The following ZNF483 variants were observed in gnomAD, a reference collection of about 807,000 sequenced individuals.
The protein encoded by ZNF483 is zinc finger protein 483, also known as zinc finger protein HIT-10.
Under a neutral mutation model 28.6 loss-of-function variants are expected in ZNF483, and 9 were observed. The ratio of observed to expected loss-of-function variants is 0.32; its 90% CI spans 0.19 to 0.55. The LOEUF (loss-of-function observed/expected upper bound fraction) is 0.55. Among genes scored for constraint, ZNF483 ranks in the 20% least tolerant of loss-of-function variants. The probability of loss-of-function intolerance (pLI) is 0.93; values close to 1 mark genes in which losing one functional copy is unlikely to be tolerated. For missense variants in ZNF483, 675 were observed against 871.7 expected (o/e 0.77, Z 2.84); for synonymous variants, 322 against 306.2 (o/e 1.05, Z -0.54).
intron 5 of ZNF483, among the ~76,000 whole-genome samples, chr9:111,564,956 T>C (rs1828489109): frequency 6.6e-6 from 1 of 151,928 alleles, no homozygotes. Context: ...AAACCCTGTC[T>C]CTACTAAAAA....
chr9:111,571,959 T>G (rs1353046204), intron 5 of ZNF483, among the ~76,000 whole-genome samples: 1 of 152,202 alleles, frequency 6.6e-6, no homozygotes, highest in East Asian at 1.9e-4. Context: ...AAAAGTTTTT[T>G]GGTTGCCTGG....
chr9:111,559,702 G>A (rs1423282088), downstream of ZNF483, among the ~76,000 whole-genome samples: 1 of 152,036 alleles, frequency 6.6e-6, no homozygotes, highest in Non-Finnish European at 1.5e-5. Context: ...GCCAGCCTCG[G>A]TGCATGACCT....
At chr9:111,565,263 A>T (rs796218751) in intron 5 of ZNF483, among the ~76,000 whole-genome samples, 16 of 152,342 alleles carry the variant, frequency 1.1e-4, no homozygotes, top group African/African-American at 3.6e-4. Context: ...GAAGCCATCT[A>T]CAAGTTGAAA....
At chr9:111,527,015 A>T (rs1413015952) in intron 1 of ZNF483, among the ~76,000 whole-genome samples, 1 of 151,988 alleles carries the variant, frequency 6.6e-6, no homozygotes, top group Non-Finnish European at 1.5e-5. Flanking sequence ...TAGGAGAATC[A>T]CTTGAACCCA....
downstream of ZNF483, among the ~76,000 whole-genome samples, chr9:111,556,149 A>G (rs1828114457): frequency 6.6e-6 from 1 of 152,244 alleles, no homozygotes; most frequent in African/African-American, 2.4e-5. Context: ...TGCAAGTCCA[A>G]AACCTGGTGG....
chr9:111,571,695 G>T (rs1828829852), intron 5 of ZNF483, among the ~76,000 whole-genome samples: 1 of 152,048 alleles, frequency 6.6e-6, no homozygotes, highest in African/African-American at 2.4e-5. Flanking sequence ...TTCTGTCAGA[G>T]ATGAGGTCTT....
downstream of ZNF483, among the ~76,000 whole-genome samples, chr9:111,558,225 T>C (rs1401288595): frequency 6.6e-6 from 1 of 152,238 alleles, no homozygotes; most frequent in East Asian, 1.9e-4. Flanking sequence ...TACGGACTCA[T>C]GGTTTCCCTT....
intron 5 of ZNF483, among the ~76,000 whole-genome samples, chr9:111,570,835 A>C (rs1828787030): frequency 6.6e-6 from 1 of 152,146 alleles, no homozygotes. Context: ...TCCACTATAA[A>C]GATGGACCCA....
rs901181759 is a variant in ZNF483 at position 111,551,591 on chromosome 9, G to A, written c.*8421G>A. ...CCTGGCTAATTATTTTAGTAGAGGC[G>A]GGGTTTCACTGTGTTGCCCAGGCTG... is the stretch of plus-strand genomic sequence containing the variant. On this transcript the variant is annotated 3_prime_UTR_variant, in exon 6 of 6. Coordinates refer to ENST00000309235, the MANE Select transcript of ZNF483 (RefSeq NM_133464.5). Among the ~76,000 whole-genome samples, 3 of 151,622 alleles carry A rather than the reference G, an allele frequency of 2.0e-5. No homozygotes were observed. The highest frequency in any genetic ancestry group is 4.4e-5 in the Non-Finnish European group (3 of 67,848).
rs567667224 is a variant in ZNF483 at position 111,542,338 on chromosome 9, T to C, written c.1403T>C (p.Met468Thr). ...ATTCACACTGGAGAAAAACCCTATA[T>C]GTGTAATGAATGTGGAAAAGCTTTT... ...RRIHTGEKPY[M>T]CNECGKAFSD... Residue 468 changes from methionine to threonine, a missense_variant, in exon 6 of 6, where the codon ATG becomes ACG. Around this residue, in one of 6 missense-constraint regions of ZNF483, gnomAD observed 525 missense variants for 581.8 expected, o/e 0.90. Transcript: ENST00000309235. The surrounding 1 kb of genome is among the most constrained non-coding windows in gnomAD (Gnocchi z 6.2). The C allele has an allele frequency of 1.1e-5, 17 of 1,613,966 alleles. No individual in the cohort carries two copies. Among genetic ancestry groups the C allele is most frequent in the Non-Finnish European group, 1.4e-5 (16 of 1,180,020 alleles).
chr9:111,577,527 A>G (rs1339983181), exon 6 of ZNF483: 1 of 152,212 alleles, frequency 6.6e-6, no homozygotes, highest in East Asian at 1.9e-4. Context: ...GTAACATTAT[A>G]CTTCATAGCC....
intron 2 of ZNF483, among the ~76,000 whole-genome samples, chr9:111,529,228 T>G (rs952613480): frequency 9.2e-5 from 14 of 152,246 alleles, no homozygotes; most frequent in African/African-American, 3.1e-4. Flanking sequence ...GTAATTCTAA[T>G]TCTTAATTTT....
At position 111,528,036 on chromosome 9, in the gene ZNF483, T is replaced by C. The variant is rs982617778; in HGVS notation, c.412+229T>C. ...AGGGATTTTATCTTTCTTGTAGTTT[T>C]CTTGTAAAGGTGAGACAAGATAGGA... On this transcript the variant is annotated intron_variant, in intron 2 of 5. Coordinates refer to ENST00000309235, the MANE Select transcript of ZNF483 (RefSeq NM_133464.5). 7 of 1,446,756 alleles carry C rather than the reference T, an allele frequency of 4.8e-6. No homozygotes were observed. The African/African-American group carries it at 8.6e-5, about 18-fold the overall frequency. 89.6% of individuals were successfully genotyped at this position (1,446,756 alleles called of 1,614,324 possible). A position where few individuals can be genotyped will look rare whatever the true frequency, so the allele number is the denominator to read the frequency against.
chr9:111,571,418 AAAAG>A (rs1430852355), intron 5 of ZNF483, among the ~76,000 whole-genome samples: 1 of 149,594 alleles, frequency 6.7e-6, no homozygotes, highest in African/African-American at 2.4e-5. Context: ...CAAAAAGAAA[AAAAG>A]AAGTAAACAA....
rs910743956 is a variant in ZNF483 at position 111,547,657 on chromosome 9, A to C, written c.*4487A>C. On this transcript the variant is annotated 3_prime_UTR_variant, in exon 6 of 6. Transcript: ENST00000309235. ...AAGGTTTTAATTTTGGTGAAGTTTA[A>C]TTTTTCTATTTTTTCTTTTGTTTCC... 6.6e-6 allele frequency among the ~76,000 whole-genome samples: 1 copy of C among 151,938 alleles called. No homozygotes were observed. The highest frequency in any genetic ancestry group is 2.4e-5 in the African/African-American group (1 of 41,360).
chr9:111,572,756 CAAAAA>C (rs58101079), intron 5 of ZNF483, among the ~76,000 whole-genome samples: 1 of 63,510 alleles, frequency 1.6e-5, no homozygotes, highest in Non-Finnish European at 2.8e-5. Context: ...GACCCTGTCT[CAAAAA>C]AAAAAAAAAA....
At position 111,547,214 on chromosome 9, in the gene ZNF483, A is replaced by G. The variant is rs1827828383; in HGVS notation, c.*4044A>G. Among the ~76,000 whole-genome samples, 1 of 152,138 alleles carries G rather than the reference A, an allele frequency of 6.6e-6. No individual in the cohort carries two copies. Among genetic ancestry groups the G allele is most frequent in the Non-Finnish European group, 1.5e-5 (1 of 67,990 alleles). ...AATTGCTGGATCTTATGATGATTCT[A>G]TATTTAACTTCTTGAGGAAGTGCAA... is the stretch of plus-strand genomic sequence containing the variant. On this transcript the variant is annotated 3_prime_UTR_variant, in exon 6 of 6. Transcript: ENST00000309235.
At chr9:111,561,292 T>A (rs1471807389) in intron 5 of ZNF483, among the ~76,000 whole-genome samples, 1 of 152,000 alleles carries the variant, frequency 6.6e-6, no homozygotes, top group Non-Finnish European at 1.5e-5. Context: ...TAATTTTTTT[T>A]AGACACAGGG....
At chr9:111,576,068 G>A in intron 5 of ZNF483, among the ~76,000 whole-genome samples, 1 of 152,030 alleles carries the variant, frequency 6.6e-6, no homozygotes, top group East Asian at 1.9e-4. Context: ...GCTGAGGCAG[G>A]AGGTTGGCTT....
Sources: allele counts gnomAD v4.1 joint callset (sites outside exome capture counted in the v4.1 genomes callset), GRCh38; gene constraint gnomAD v4.1.1; regional missense constraint gnomAD v4.1.1; non-coding constraint Gnocchi (gnomAD v3.1); transcripts MANE v1.5; gene names NCBI Gene and HGNC (gene_info 2026-07-23, HGNC 2026-07-21).